Variants in TMEM117 observed in about 807,000 individuals in gnomAD.
TMEM117 encodes transmembrane protein 117.
In TMEM117, 27 loss-of-function variants were observed where a neutral mutation model predicts 52.4. The observed-to-expected ratio is 0.51, with a 90% CI of 0.38 to 0.71. The LOEUF (loss-of-function observed/expected upper bound fraction) is 0.71, where lower values mean the gene tolerates loss of function less well. Among genes scored for constraint, TMEM117 ranks in the 30% least tolerant of loss-of-function variants. The pLI is 0.00. For synonymous variants in TMEM117, 215 were observed against 206.3 expected (o/e 1.04, Z -0.36); for missense variants, 556 against 630.5 (o/e 0.88, Z 1.26).
chr12:43,870,814 C>T (rs542460036), intron 2 of TMEM117, among the ~76,000 whole-genome samples: 48 of 152,178 alleles, frequency 3.2e-4, no homozygotes, highest in African/African-American at 9.1e-4. Context: ...GACGGAGTAT[C>T]GCTGTTGTTG....
At chr12:44,259,893 G>A (rs1341976054) in intron 5 of TMEM117, among the ~76,000 whole-genome samples, 3 of 152,152 alleles carry the variant, frequency 2.0e-5, no homozygotes, top group African/African-American at 7.2e-5. Flanking sequence ...AAGGACATCA[G>A]TTTATGTAAT....
intron 3 of TMEM117, among the ~76,000 whole-genome samples, chr12:44,020,660 A>G (rs1204953836): frequency 6.6e-6 from 1 of 152,202 alleles, no homozygotes; most frequent in Non-Finnish European, 1.5e-5. Flanking sequence ...GGGATTTTTT[A>G]TGTAAATTTC....
At chr12:43,815,437 C>T in the TMEM117 span, among the ~76,000 whole-genome samples, 2 of 152,188 alleles carry the variant, frequency 1.3e-5, no homozygotes, top group South Asian at 4.1e-4. Context: ...TAGAATACCC[C>T]AGTATCAGCT....
At chr12:44,274,794 A>C (rs1292977996) in intron 5 of TMEM117, among the ~76,000 whole-genome samples, 1 of 152,144 alleles carries the variant, frequency 6.6e-6, no homozygotes, top group Non-Finnish European at 1.5e-5. Flanking sequence ...ACCACATTAA[A>C]ATCATATCAA....
At chr12:44,387,210 T>C (rs769938783) in intron 7 of TMEM117, among the ~76,000 whole-genome samples, 40 of 151,828 alleles carry the variant, frequency 2.6e-4, no homozygotes, top group Admixed American at 3.9e-4. Flanking sequence ...TAATAAAAAT[T>C]ATAATGGACT....
At chr12:44,042,294 GT>G (rs534762729) in intron 3 of TMEM117, among the ~76,000 whole-genome samples, 14,516 of 139,574 alleles carry the variant, frequency 0.1, 1,079 homozygotes, top group African/African-American at 0.21. Context: ...TATGTTTTTG[GT>G]TTTTTTTTTT....
intron 5 of TMEM117, among the ~76,000 whole-genome samples, chr12:44,251,549 G>A (rs933957763): frequency 3.3e-5 from 5 of 152,124 alleles, no homozygotes; most frequent in African/African-American, 4.8e-5. Flanking sequence ...ACTGCCCTAC[G>A]TCACTAAGGA....
At chr12:44,048,508 A>T (rs1382631854) in intron 3 of TMEM117, among the ~76,000 whole-genome samples, 4 of 152,240 alleles carry the variant, frequency 2.6e-5, no homozygotes, top group Admixed American at 1.3e-4. Flanking sequence ...ATATACTTTA[A>T]TAACAGCTTT....
intron 3 of TMEM117, among the ~76,000 whole-genome samples, chr12:44,054,792 G>T (rs1052798629): frequency 6.8e-6 from 1 of 148,018 alleles, no homozygotes; most frequent in Admixed American, 6.8e-5. Flanking sequence ...TGCACAACAT[G>T]CAGGTTTGTT....
At chr12:44,007,592 A>G (rs1946219780) in intron 3 of TMEM117, among the ~76,000 whole-genome samples, 1 of 152,122 alleles carries the variant, frequency 6.6e-6, no homozygotes, top group African/African-American at 2.4e-5. Flanking sequence ...GAAACTGAGG[A>G]TAGTACTAAG....
In TMEM117 at chr12:44,200,842, G is replaced by A. The variant is rs1372976272; in HGVS notation, c.511-10448G>A. Reference sequence around the variant, plus strand: ...AGCCCTGGCACAATGCGGGTAGAGTGTGCTGGCTGAGTGGGTCCTGCCACC... The same window carrying A: ...AGCCCTGGCACAATGCGGGTAGAGTATGCTGGCTGAGTGGGTCCTGCCACC... On this transcript the variant is annotated intron_variant, in intron 4 of 7. Coordinates refer to ENST00000266534, the MANE Select transcript of TMEM117 (RefSeq NM_032256.3). Among the ~76,000 whole-genome samples the A allele has an allele frequency of 2.0e-5, 3 of 152,158 alleles. No individual in the cohort carries two copies. The East Asian group carries it at 5.8e-4, about 29-fold the overall frequency.
chr12:44,184,549 T>C (rs1054709082), intron 4 of TMEM117, among the ~76,000 whole-genome samples: 2 of 151,912 alleles, frequency 1.3e-5, no homozygotes, highest in Non-Finnish European at 2.9e-5. Context: ...GCCTTGAAGA[T>C]GGTAGAAGGG....
chr12:44,328,022 G>A (rs12300292), intron 6 of TMEM117, among the ~76,000 whole-genome samples: 13,308 of 152,162 alleles, frequency 0.087, 1,461 homozygotes, highest in African/African-American at 0.26. Context: ...TCTATGGAGC[G>A]GTGAGCCAGT....
At chr12:43,863,478 G>A (rs1236395994) in intron 2 of TMEM117, among the ~76,000 whole-genome samples, 1 of 152,130 alleles carries the variant, frequency 6.6e-6, no homozygotes, top group Non-Finnish European at 1.5e-5. Flanking sequence ...TATTACGCAT[G>A]GGGCATCTCT....
chr12:43,954,415 A>G (rs968250952), intron 3 of TMEM117, among the ~76,000 whole-genome samples: 1 of 152,160 alleles, frequency 6.6e-6, no homozygotes, highest in Non-Finnish European at 1.5e-5. Context: ...GAGACTAATA[A>G]AGAAGAAGAG....
chr12:44,255,215 A>T (rs889327339), intron 5 of TMEM117, among the ~76,000 whole-genome samples: 19 of 152,148 alleles, frequency 1.2e-4, no homozygotes, highest in Admixed American at 1.1e-3. Flanking sequence ...CTAGTTCTAG[A>T]TCCCTGAGGA....
chr12:43,944,067 T>A, intron 2 of TMEM117, 143 bp from the exon 3 acceptor site: 1 of 634,536 alleles, frequency 1.6e-6, no homozygotes, highest in East Asian at 3.0e-5. Context: ...AAGAACATTA[T>A]ATTGTGGCTT....
rs573045883 is a variant in TMEM117, at chr12:44,149,332, A to G, written c.510+5708A>G. On this transcript the variant is annotated intron_variant, in intron 4 of 7. Transcript: ENST00000266534. ...TAAATTTCAGTGGACAGAGAGAATT[A>G]AAGAATGGCATATACTTGAGAGTAA... 3.1e-4 allele frequency among the ~76,000 whole-genome samples: 47 copies of G among 152,334 alleles called. No individual in the cohort carries two copies. The South Asian group carries it at 9.5e-3, about 31-fold the overall frequency.
chr12:43,797,417 G>A, the TMEM117 span: 2 of 1,596,576 alleles, frequency 1.3e-6, no homozygotes, highest in Non-Finnish European at 1.7e-6. Context: ...TTGTTGTGTT[G>A]GCCAAAATTA....
Sources: gnomAD v4.1 joint callset for allele counts (sites outside exome capture counted in the v4.1 genomes callset) on GRCh38, gnomAD v4.1.1 for gene constraint, MANE v1.5 for transcripts, NCBI Gene and HGNC (gene_info 2026-07-23, HGNC 2026-07-21) for gene names.